The following KCNIP4 variants were observed in gnomAD, a reference collection of about 807,000 sequenced individuals.
KCNIP4 encodes the protein potassium voltage-gated channel interacting protein 4.
Under a neutral mutation model 34.0 loss-of-function variants are expected in KCNIP4, and 12 were observed. The ratio of observed to expected loss-of-function variants is 0.35; its 90% CI spans 0.23 to 0.57. The LOEUF (loss-of-function observed/expected upper bound fraction) is 0.57, where lower values mean the gene tolerates loss of function less well. Ranked by LOEUF, KCNIP4 falls within the 20% of genes least tolerant of loss-of-function variation. The pLI is 0.83. For synonymous variants in KCNIP4, 124 were observed against 102.2 expected (o/e 1.21, Z -1.29); for missense variants, 238 against 311.7 (o/e 0.76, Z 1.78).
chr4:20,980,345 G>A (rs544972215), intron 1 of KCNIP4, among the ~76,000 whole-genome samples: 16 of 152,334 alleles, frequency 1.1e-4, no homozygotes, highest in East Asian at 7.7e-4. Flanking sequence ...AATCTCATGA[G>A]TGTTCTTTCT....
At chr4:21,377,657 G>A (rs1495523) in intron 1 of KCNIP4, among the ~76,000 whole-genome samples, 39,857 of 152,014 alleles carry the variant, frequency 0.26, 5,442 homozygotes, top group Middle Eastern at 0.3. Context: ...GGTTGTTTGC[G>A]TCCAAGCTTG....
intron 3 of KCNIP4, among the ~76,000 whole-genome samples, chr4:20,833,438 T>C (rs1718665281): frequency 6.6e-6 from 1 of 151,928 alleles, no homozygotes; most frequent in Non-Finnish European, 1.5e-5. Flanking sequence ...TGCGCCGACA[T>C]TGTGCCACTG....
chr4:21,756,607 CTCTT>C (rs1216688512), intron 1 of KCNIP4, among the ~76,000 whole-genome samples: 3 of 151,824 alleles, frequency 2.0e-5, no homozygotes, highest in South Asian at 2.1e-4. Flanking sequence ...TGCAGCCTCT[CTCTT>C]TCTCAGATGG....
chr4:21,703,730 TA>T (rs1340858586), intron 1 of KCNIP4, among the ~76,000 whole-genome samples: 1 of 152,048 alleles, frequency 6.6e-6, no homozygotes, highest in African/African-American at 2.4e-5. Flanking sequence ...AAAACTCTGA[TA>T]AAAAATAAAA....
At chr4:21,143,585 C>T (rs193225327) in intron 1 of KCNIP4, among the ~76,000 whole-genome samples, 97 of 152,302 alleles carry the variant, frequency 6.4e-4, no homozygotes, top group African/African-American at 2.3e-3. Context: ...TACACTTGAT[C>T]ATAAATGGGT....
At chr4:20,875,754 T>C (rs1408597964) in intron 2 of KCNIP4, among the ~76,000 whole-genome samples, 1 of 152,160 alleles carries the variant, frequency 6.6e-6, no homozygotes, top group Non-Finnish European at 1.5e-5. Context: ...TACTGTTGTA[T>C]TTTTAATGGG....
chr4:21,133,626 A>G (rs563303248), intron 1 of KCNIP4, among the ~76,000 whole-genome samples: 10 of 147,724 alleles, frequency 6.8e-5, no homozygotes, highest in African/African-American at 2.3e-4. Flanking sequence ...CACTTAGTAA[A>G]TTTAGTAAAT....
intron 1 of KCNIP4, among the ~76,000 whole-genome samples, chr4:21,735,948 C>T (rs970636926): frequency 1.8e-4 from 28 of 152,070 alleles, no homozygotes; most frequent in African/African-American, 6.8e-4. Context: ...TTTTCAGTCC[C>T]CTGGAAGCCA....
At chr4:21,501,992 CGCACACACACACACACACACACAA>C (rs1158707879) in intron 1 of KCNIP4, among the ~76,000 whole-genome samples, 1 of 95,772 alleles carries the variant, frequency 1.0e-5, no homozygotes, top group East Asian at 2.1e-4. Flanking sequence ...CTCATGCACA[CGCACACACACACACACACACACAA>C]GCACACACAC....
At chr4:20,826,028 G>A (rs1717714281) in intron 3 of KCNIP4, among the ~76,000 whole-genome samples, 1 of 150,910 alleles carries the variant, frequency 6.6e-6, no homozygotes, top group African/African-American at 2.4e-5. Flanking sequence ...CTCTTATTCA[G>A]AACAGGTTCA....
chr4:21,025,571 T>TTTTTTTTA (rs1740482391), intron 1 of KCNIP4, among the ~76,000 whole-genome samples: 1 of 141,534 alleles, frequency 7.1e-6, no homozygotes, highest in Non-Finnish European at 1.5e-5. Flanking sequence ...TTTTTTTTTT[T>TTTTTTTTA]GAGACGGAGT....
intron 1 of KCNIP4, among the ~76,000 whole-genome samples, chr4:21,456,911 C>T (rs1397850106): frequency 2.0e-5 from 3 of 152,002 alleles, no homozygotes; most frequent in African/African-American, 7.3e-5. Context: ...TCTTTCACTT[C>T]GTATTTCACC....
intron 3 of KCNIP4, among the ~76,000 whole-genome samples, chr4:20,777,320 A>G (rs771603405): frequency 4.6e-5 from 7 of 152,220 alleles, no homozygotes; most frequent in Non-Finnish European, 8.8e-5. Flanking sequence ...AACTGCCCCC[A>G]TGATTCAATT....
chr4:21,174,220 G>A (rs996143448), intron 1 of KCNIP4, among the ~76,000 whole-genome samples: 2 of 152,096 alleles, frequency 1.3e-5, no homozygotes, highest in South Asian at 2.1e-4. Context: ...TCAGTTTTCC[G>A]GAAAAGGTGA....
chr4:21,868,670 ATGTGCTGACATCCTTAAAACGTAGTAAT>A (rs1490995102), intron 1 of KCNIP4, among the ~76,000 whole-genome samples: 8 of 152,224 alleles, frequency 5.3e-5, no homozygotes, highest in Non-Finnish European at 8.8e-5. Flanking sequence ...GGAAACACAG[ATGTGCTGACATCCTTAAAACGTAGTAAT>A]TGACTGTCGA....
intron 3 of KCNIP4, among the ~76,000 whole-genome samples, chr4:20,761,217 A>G (rs2149362343): frequency 6.6e-6 from 1 of 152,302 alleles, no homozygotes; most frequent in Non-Finnish European, 1.5e-5. Flanking sequence ...CTGAGGCTCC[A>G]GCTTGCCAGA....
intron 1 of KCNIP4, among the ~76,000 whole-genome samples, chr4:21,780,063 G>T (rs1194954373): frequency 6.6e-6 from 1 of 152,092 alleles, no homozygotes; most frequent in African/African-American, 2.4e-5. Flanking sequence ...ACAATTCTGA[G>T]CCTCCAGATG....
intron 1 of KCNIP4, among the ~76,000 whole-genome samples, chr4:21,528,363 T>C (rs1736156930): frequency 6.6e-6 from 1 of 151,948 alleles, no homozygotes; most frequent in South Asian, 2.1e-4. Flanking sequence ...TCATGTTTGC[T>C]TTCCTCCATA....
intron 2 of KCNIP4, among the ~76,000 whole-genome samples, chr4:20,853,170 G>A (rs778154359): frequency 3.3e-5 from 5 of 152,062 alleles, no homozygotes; most frequent in Admixed American, 6.6e-5. Flanking sequence ...AGCCCGCATG[G>A]CCTCATAGAA....
Sources: allele counts gnomAD v4.1 joint callset (sites outside exome capture counted in the v4.1 genomes callset), GRCh38; gene constraint gnomAD v4.1.1; transcripts MANE v1.5; gene names NCBI Gene and HGNC (gene_info 2026-07-23, HGNC 2026-07-21).